Variants in KIAA1671 observed in about 807,000 individuals in gnomAD.
KIAA1671 encodes KIAA1671.
In KIAA1671, 52 loss-of-function variants were observed where a neutral mutation model predicts 131.2. The ratio of observed to expected loss-of-function variants is 0.40; its 90% CI spans 0.32 to 0.50. KIAA1671 has a LOEUF of 0.50. Among genes scored for constraint, KIAA1671 ranks in the 20% least tolerant of loss-of-function variants. KIAA1671 has a pLI of 0.73. For missense variants in KIAA1671, 2,360 were observed against 2,364.2 expected (o/e 1.00, Z 0.04); for synonymous variants, 1,003 against 961.6 (o/e 1.04, Z -0.80).
intron 6 of KIAA1671, among the ~76,000 whole-genome samples, chr22:25,089,835 T>C (rs9624723): frequency 0.074 from 11,279 of 152,146 alleles, 1,362 homozygotes; most frequent in African/African-American, 0.26. Flanking sequence ...TTTGCGCCCT[T>C]GTGTGTTTTG....
chr22:25,110,294 A>G lies in KIAA1671; in HGVS notation c.4531-60526A>G, dbSNP rs572717828. On this transcript the variant is annotated intron_variant, in intron 6 of 12. Transcript: ENST00000358431. ...GTGTCTAGAAAACAAATATTTGTTC[A>G]AAACTGAAGTGAGGTGGTGGTGGAA... Among the ~76,000 whole-genome samples the G allele has an allele frequency of 1.3e-5, 2 of 152,340 alleles. 1 individual carries two copies. Among genetic ancestry groups the G allele is most frequent in the South Asian group, 4.2e-4 (2 of 4,818 alleles).
chr22:25,112,328 C>T (rs1931404810), intron 6 of KIAA1671: 1 of 399,026 alleles, frequency 2.5e-6, no homozygotes, highest in Non-Finnish European at 4.4e-6. Flanking sequence ...CAGCCGGACC[C>T]CCTTCAAGCG....
chr22:25,121,441 G>A (rs1054408954), intron 6 of KIAA1671, among the ~76,000 whole-genome samples: 7 of 146,744 alleles, frequency 4.8e-5, no homozygotes, highest in Admixed American at 2.1e-4. Flanking sequence ...CAGCCTGGGC[G>A]ACAGAGTGAG....
At chr22:25,067,169 G>A (rs1928520550) in intron 6 of KIAA1671, among the ~76,000 whole-genome samples, 2 of 152,228 alleles carry the variant, frequency 1.3e-5, no homozygotes, top group East Asian at 1.9e-4. Flanking sequence ...GGGGACTTGG[G>A]GGTCTCCATT....
chr22:24,969,013 CG>C (rs1922456241), intron 1 of KIAA1671, among the ~76,000 whole-genome samples: 1 of 152,124 alleles, frequency 6.6e-6, no homozygotes, highest in Non-Finnish European at 1.5e-5. Flanking sequence ...GATTCTCCCA[CG>C]TCAACCTCCT....
chr22:25,026,879 G>A lies in KIAA1671; in HGVS notation c.-55-1066G>A, dbSNP rs1388582663. Among the ~76,000 whole-genome samples, 15 of 152,158 alleles carry A rather than the reference G, an allele frequency of 9.9e-5. No homozygotes were observed. The East Asian group carries it at 2.9e-3, about 29-fold the overall frequency. ...GATCATTCCTTCATTCTTGACTTTTGGAGTTGCTGGAGGGTTAATGAGAGA... is the reference window on the plus strand; with the variant it reads ...GATCATTCCTTCATTCTTGACTTTTAGAGTTGCTGGAGGGTTAATGAGAGA... On this transcript the variant is annotated intron_variant, in intron 2 of 12. Coordinates refer to ENST00000358431, the MANE Select transcript of KIAA1671 (RefSeq NM_001145206.2).
chr22:25,170,505 T>C (rs1933809849), intron 6 of KIAA1671, among the ~76,000 whole-genome samples: 2 of 152,136 alleles, frequency 1.3e-5, no homozygotes, highest in Non-Finnish European at 2.9e-5. Flanking sequence ...GGCTGTACTG[T>C]GAGGAGGAGA....
At chr22:25,081,356 C>T (rs916962741) in intron 6 of KIAA1671, among the ~76,000 whole-genome samples, 4 of 152,208 alleles carry the variant, frequency 2.6e-5, no homozygotes, top group Non-Finnish European at 4.4e-5. Context: ...TGACATTGAA[C>T]AGGTGACTTC....
chr22:24,998,841 G>C (rs1292181193), intron 1 of KIAA1671, among the ~76,000 whole-genome samples: 2 of 150,990 alleles, frequency 1.3e-5, no homozygotes, highest in African/African-American at 4.9e-5. Context: ...ACTATCTGCA[G>C]GTTTTTTTTT....
chr22:25,174,432 G>A lies in KIAA1671; in HGVS notation c.4842G>A (p.Gly1614=), dbSNP rs747128227. Residue 1614 remains glycine (G), a synonymous_variant, in exon 8 of 13, where the codon GGG becomes GGA. Transcript: ENST00000358431. ...TGGAATCCACCGATGGGATGGAGGG[G>A]CCGCCTCCACCGGACGCCTGCCCTG... The part of the protein sequence containing the change: ...TDLESTDGME[G]PPPPDACPEK... The A allele has an allele frequency of 1.8e-5, 28 of 1,548,164 alleles. No homozygotes were observed. In the South Asian group the frequency reaches 3.0e-4, roughly 16 times the overall value.
intron 6 of KIAA1671, among the ~76,000 whole-genome samples, chr22:25,156,550 T>C (rs747075684): frequency 1.5e-4 from 23 of 148,856 alleles, no homozygotes; most frequent in Non-Finnish European, 3.2e-4. Context: ...CGTATGTGTT[T>C]TTGTGTCTTT....
chr22:24,969,761 C>T (rs1311197752), intron 1 of KIAA1671, among the ~76,000 whole-genome samples: 1 of 152,172 alleles, frequency 6.6e-6, no homozygotes. Context: ...TTATATTCCA[C>T]CCTGGCTCTG....
chr22:24,953,616 G>A (rs1194517512), intron 1 of KIAA1671, among the ~76,000 whole-genome samples: 1 of 151,980 alleles, frequency 6.6e-6, no homozygotes, highest in South Asian at 2.1e-4. Flanking sequence ...CCGGGCTCAC[G>A]GGTGGGGCCC....
At chr22:25,004,570 GC>G (rs1174529744) in intron 1 of KIAA1671, among the ~76,000 whole-genome samples, 1 of 152,142 alleles carries the variant, frequency 6.6e-6, no homozygotes, top group African/African-American at 2.4e-5. Context: ...CCATTTCCCT[GC>G]CCTCCAGGAA....
intron 1 of KIAA1671, among the ~76,000 whole-genome samples, chr22:25,001,000 A>G (rs530750316): frequency 6.6e-6 from 1 of 151,194 alleles, no homozygotes; most frequent in African/African-American, 2.4e-5. Flanking sequence ...TCATGTGCTT[A>G]TTGGTCACGT....
intron 9 of KIAA1671, among the ~76,000 whole-genome samples, chr22:25,178,685 C>T (rs1456476108): frequency 1.3e-5 from 2 of 152,200 alleles, no homozygotes; most frequent in Admixed American, 6.5e-5. Flanking sequence ...AGGTCCCCAA[C>T]TGCAGGCTTC....
chr22:25,070,084 G>A (rs1294669817), intron 6 of KIAA1671: 3 of 336,698 alleles, frequency 8.9e-6, no homozygotes, highest in Non-Finnish European at 1.6e-5. Context: ...GGTCCAGGCA[G>A]CTGGGTTCAG....
intron 1 of KIAA1671, among the ~76,000 whole-genome samples, chr22:25,021,812 A>T (rs1330573377): frequency 1.3e-5 from 2 of 148,570 alleles, no homozygotes; most frequent in Non-Finnish European, 3.0e-5. Context: ...TTTGGGATGG[A>T]GTCTCGCTCT....
intron 6 of KIAA1671, among the ~76,000 whole-genome samples, chr22:25,093,792 C>CTCTCTCTCTT (rs1930218917): frequency 3.0e-5 from 3 of 101,202 alleles, no homozygotes; most frequent in East Asian, 2.7e-4. Context: ...CTCTCTCTCT[C>CTCTCTCTCTT]TCTCTCTCTC....
Sources: allele counts gnomAD v4.1 joint callset (sites outside exome capture counted in the v4.1 genomes callset), GRCh38; gene constraint gnomAD v4.1.1; transcripts MANE v1.5; gene names NCBI Gene and HGNC (gene_info 2026-07-23, HGNC 2026-07-21).